Variants in SRL observed in about 807,000 individuals in gnomAD.
SRL encodes the protein sarcalumenin.
In SRL, 23 loss-of-function variants were observed where a neutral mutation model predicts 39.5. The observed-to-expected ratio is 0.58, with a 90% confidence interval of 0.42 to 0.82. The LOEUF (loss-of-function observed/expected upper bound fraction) is 0.82, where lower values mean the gene tolerates loss of function less well. Ranked by LOEUF, SRL falls within the 40% of genes least tolerant of loss-of-function variation. The probability of loss-of-function intolerance (pLI) is 0.00; values close to 1 mark genes in which losing one functional copy is unlikely to be tolerated. For missense variants in SRL, 592 were observed against 607.8 expected (o/e 0.97, Z 0.27); for synonymous variants, 272 against 237.4 (o/e 1.15, Z -1.34).
intron 1 of SRL, among the ~76,000 whole-genome samples, chr16:4,211,255 G>T (rs1597280301): frequency 6.6e-6 from 1 of 152,242 alleles, no homozygotes; most frequent in African/African-American, 2.4e-5. Flanking sequence ...TCAGCTCCCA[G>T]GCCCTCCCTA....
intron 1 of SRL, among the ~76,000 whole-genome samples, chr16:4,221,845 C>A (rs2052534575): frequency 6.6e-6 from 1 of 152,156 alleles, no homozygotes; most frequent in Non-Finnish European, 1.5e-5. Context: ...CAACTCTTGG[C>A]TTGTGGCTGC....
intron 1 of SRL, chr16:4,208,054 C>T (rs1187131496): frequency 2.2e-6 from 1 of 456,160 alleles, no homozygotes; most frequent in Non-Finnish European, 4.4e-6. Context: ...AAATGATTCT[C>T]CAACAAATTG....
At chr16:4,211,992 C>G (rs559020186) in intron 1 of SRL, among the ~76,000 whole-genome samples, 1 of 152,292 alleles carries the variant, frequency 6.6e-6, no homozygotes, top group African/African-American at 2.4e-5. Context: ...AAGCCGTTTT[C>G]CCTGGTAAAG....
At position 4,190,157 on chromosome 16, in the gene SRL, G is replaced by C; in HGVS notation, c.*1996C>G. 1 of 397,780 alleles carries C rather than the reference G, an allele frequency of 2.5e-6. No homozygotes were observed. The highest frequency in any genetic ancestry group is 3.6e-5 in the East Asian group (1 of 28,076). The allele number at this position is 397,780 out of a possible 1,614,324, so 24.6% of individuals were successfully genotyped here. A position where few individuals can be genotyped will look rare whatever the true frequency, so the allele number is the denominator to read the frequency against. On this transcript the variant is annotated 3_prime_UTR_variant, in exon 6 of 6. Transcript: ENST00000399609. ...TGGAAGGGTCCAGGCCCTCCACAAA[G>C]CCAAACGCAACGGCCCCTGTGACAG...
chr16:4,192,737 T>C lies in SRL; in HGVS notation c.838A>G (p.Ile280Val). ...GALFWSLAPL[I>V]NVTEPPRVYV... ...ACCCTTGGGGGCTCTGTGACATTGA[T>C]GAGAGGGGCCAAGCTCCAGAAGAGG... is the stretch of plus-strand genomic sequence containing the variant. The change falls in exon 6 of 6, where the codon ATC becomes GTC. Residue 280 changes from isoleucine (I) to valine (V), a missense_variant. Ile to Val is a conservative substitution (Grantham distance 29). Transcript: ENST00000399609. The surrounding 1 kb of genome is among the most constrained non-coding windows in gnomAD (Gnocchi z 4.0). The C allele has an allele frequency of 6.2e-7, 1 of 1,614,142 alleles. No homozygotes were observed. The highest frequency in any genetic ancestry group is 8.5e-7 in the Non-Finnish European group (1 of 1,180,034).
At chr16:4,203,991 G>A (rs11076825) in intron 2 of SRL, among the ~76,000 whole-genome samples, 45,073 of 152,050 alleles carry the variant, frequency 0.3, 7,412 homozygotes, top group Non-Finnish European at 0.38. Flanking sequence ...CCTGCTGGGA[G>A]CCCACAGTGG....
At chr16:4,211,729 G>A (rs976561445) in intron 1 of SRL, among the ~76,000 whole-genome samples, 10 of 150,994 alleles carry the variant, frequency 6.6e-5, no homozygotes, top group South Asian at 6.3e-4. Flanking sequence ...TGACCGTGCC[G>A]ATGATGAGGA....
intron 2 of SRL, 114 bp downstream of exon 2, chr16:4,204,419 G>GGCCTCCAAGATACAGCCCCA (rs2052285876): frequency 1.1e-6 from 1 of 943,932 alleles, no homozygotes; most frequent in African/African-American, 1.6e-5. Context: ...ATACAGCCCC[G>GGCCTCCAAGATACAGCCCCA]GCCTCCAAGA....
At position 4,227,089 on chromosome 16, in the gene SRL, A is replaced by AGATG. The variant is rs1300283769; in HGVS notation, c.61+14914_61+14917dup. ...ATGGATGGATGATGGATGGATGAAC[A>AGATG]GATGGATGGATGGATAAATGGGTGG... On this transcript the variant is annotated intron_variant, in intron 1 of 5. Coordinates refer to ENST00000399609, the MANE Select transcript of SRL (RefSeq NM_001098814.2). Among the ~76,000 whole-genome samples, 9 of 134,128 alleles carry AGATG rather than the reference A, an allele frequency of 6.7e-5. No individual in the cohort carries two copies. The East Asian group carries it at 1.8e-3, about 27-fold the overall frequency. The allele number at this position is 134,128 out of a possible 152,430, so 88.0% of individuals were successfully genotyped here. A position where few individuals can be genotyped will look rare whatever the true frequency, so the allele number is the denominator to read the frequency against.
At chr16:4,223,451 C>G (rs1047173134) in intron 1 of SRL, among the ~76,000 whole-genome samples, 3 of 151,922 alleles carry the variant, frequency 2.0e-5, no homozygotes, top group African/African-American at 7.3e-5. Flanking sequence ...AATCATGGCT[C>G]ACTGCAGCCT....
At chr16:4,207,458 A>G in intron 1 of SRL, 1 of 456,746 alleles carries the variant, frequency 2.2e-6, no homozygotes, top group Non-Finnish European at 4.4e-6. Flanking sequence ...CTGGCACTGC[A>G]GGCTCCTCGC....
chr16:4,216,004 C>G (rs765678829), intron 1 of SRL, among the ~76,000 whole-genome samples: 4 of 151,956 alleles, frequency 2.6e-5, no homozygotes, highest in Non-Finnish European at 5.9e-5. Context: ...CCACTATACT[C>G]CAGCCTAGGC....
At position 4,191,055 on chromosome 16, in the gene SRL, C is replaced by T. The variant is rs2052055850; in HGVS notation, c.*1098G>A. 1 of 152,370 alleles carries T rather than the reference C, an allele frequency of 6.6e-6. No individual in the cohort carries two copies. 9.4% of individuals were successfully genotyped at this position (152,370 alleles called of 1,614,324 possible). Reference sequence around the variant, plus strand: ...GCAATAGACAAAGACGCACTGCAAACCAATTAACCCTCTGAGCCCTTCCAC... The same window carrying T: ...GCAATAGACAAAGACGCACTGCAAATCAATTAACCCTCTGAGCCCTTCCAC... On this transcript the variant is annotated 3_prime_UTR_variant, in exon 6 of 6. Transcript: ENST00000399609.
In SRL at chr16:4,191,607, T is replaced by A. The variant is rs1301097760; in HGVS notation, c.*546A>T. The A allele has an allele frequency of 6.5e-6, 1 of 152,956 alleles. No homozygotes were observed. The highest frequency in any genetic ancestry group is 1.5e-5 in the Non-Finnish European group (1 of 68,624). The allele number at this position is 152,956 out of a possible 1,614,324, so 9.5% of individuals were successfully genotyped here. A position where few individuals can be genotyped will look rare whatever the true frequency, so the allele number is the denominator to read the frequency against. ...ACCTGGCCGACAGAGCGAGACTCCG[T>A]CTCAAAAACACAAAAACAAACCCAG... is the stretch of plus-strand genomic sequence containing the variant. On this transcript the variant is annotated 3_prime_UTR_variant, in exon 6 of 6. Transcript: ENST00000399609.
At chr16:4,205,327 A>G (rs1470430671) in intron 1 of SRL, among the ~76,000 whole-genome samples, 1 of 152,134 alleles carries the variant, frequency 6.6e-6, no homozygotes, top group Non-Finnish European at 1.5e-5. Flanking sequence ...AAATTAAAAC[A>G]TCAAACATCT....
intron 1 of SRL, among the ~76,000 whole-genome samples, chr16:4,234,804 A>G (rs1387707351): frequency 6.6e-6 from 1 of 152,236 alleles, no homozygotes; most frequent in Non-Finnish European, 1.5e-5. Flanking sequence ...GACCCAGAAG[A>G]GAAACCCCTG....
intron 1 of SRL, among the ~76,000 whole-genome samples, chr16:4,213,892 C>T (rs1485895204): frequency 6.6e-6 from 1 of 152,160 alleles, no homozygotes; most frequent in South Asian, 2.1e-4. Flanking sequence ...AACAAACACA[C>T]GGAAGTCAAG....
chr16:4,196,932 A>T (rs78720631), intron 4 of SRL, among the ~76,000 whole-genome samples: 1 of 152,254 alleles, frequency 6.6e-6, no homozygotes, highest in African/African-American at 2.4e-5. Context: ...TGAACAGACC[A>T]CATTTTCTTG....
At position 4,203,119 on chromosome 16, in the gene SRL, G is replaced by A. The variant is rs376923852; in HGVS notation, c.259+47C>T. 5.8e-6 allele frequency: 9 copies of A among 1,561,178 alleles called. No homozygotes were observed. In the African/African-American group the frequency reaches 9.5e-5, roughly 16 times the overall value. On this transcript the variant is annotated intron_variant, in intron 3 of 5. Transcript: ENST00000399609. The stretch of plus-strand genomic sequence containing the variant: ...GCAGTGTGGCCCCGCCGACAGGCCT[G>A]CGCCGTACCCGTAATCTCAAGCCCT...
Sources: allele counts gnomAD v4.1 joint callset (sites outside exome capture counted in the v4.1 genomes callset), GRCh38; gene constraint gnomAD v4.1.1; non-coding constraint Gnocchi (gnomAD v3.1); transcripts MANE v1.5; gene names NCBI Gene and HGNC (gene_info 2026-07-23, HGNC 2026-07-21).